RAI1: variants seen among roughly 807,000 people sequenced by gnomAD.
RAI1 encodes the protein retinoic acid-induced protein 1.
RAI1 carries 9 observed loss-of-function variants against 123.8 expected under a neutral mutation model. The observed-to-expected ratio is 0.07, with a 90% CI of 0.04 to 0.13. RAI1 has a LOEUF of 0.13. Among genes scored for constraint, RAI1 ranks in the 10% least tolerant of loss-of-function variants. The pLI is 1.00. For missense variants in RAI1, 2,256 were observed against 2,545.8 expected, an observed-to-expected ratio of 0.89 and a Z score of 2.45; for synonymous variants, 1,231 against 1,127.3, an observed-to-expected ratio of 1.09 and a Z score of -1.84.
At chr17:17,730,967 G>A (rs11653696) in intron 2 of RAI1, among the ~76,000 whole-genome samples, 10,664 of 152,264 alleles carry the variant, frequency 0.07, 464 homozygotes, top group African/African-American at 0.11. Flanking sequence ...CTGAGTGGCC[G>A]AGAGAGAGCC....
At chr17:17,691,963 C>T (rs578192686) in intron 1 of RAI1, among the ~76,000 whole-genome samples, 18 of 152,210 alleles carry the variant, frequency 1.2e-4, no homozygotes, top group African/African-American at 2.9e-4. Flanking sequence ...GTGAGGGAGG[C>T]GGGAAGTAAT....
intron 2 of RAI1, among the ~76,000 whole-genome samples, chr17:17,776,392 A>G (rs1434055793): frequency 6.6e-6 from 1 of 151,712 alleles, no homozygotes; most frequent in African/African-American, 2.4e-5. Flanking sequence ...TTTTTTTGAG[A>G]CAAAGTCTCA....
intron 2 of RAI1, among the ~76,000 whole-genome samples, chr17:17,787,757 T>C (rs1185038366): frequency 6.6e-6 from 1 of 152,192 alleles, no homozygotes; most frequent in East Asian, 1.9e-4. Context: ...TTAGGGGACC[T>C]GGGCACCTAG....
chr17:17,776,658 CTTTTTTT>C lies in RAI1; in HGVS notation c.-16-16254_-16-16248del, dbSNP rs3075548. 5.4e-3 allele frequency: 322 copies of C among 59,376 alleles called. 2 individuals carry two copies. Among genetic ancestry groups the C allele is most frequent in the African/African-American group, 0.023 (297 of 12,944 alleles). 3.7% of individuals were successfully genotyped at this position (59,376 alleles called of 1,614,324 possible). A position where few individuals can be genotyped will look rare whatever the true frequency, so the allele number is the denominator to read the frequency against. ...GGCATGAGCCACCGTGCCTGGCTCA[CTTTTTTT>C]TTTTTTTTTTTTTTTTTTTTGAGAG... On this transcript the variant is annotated intron_variant, in intron 2 of 5. Transcript: ENST00000353383.
At chr17:17,767,579 G>GCTT (rs1340871498) in intron 2 of RAI1, among the ~76,000 whole-genome samples, 1 of 152,188 alleles carries the variant, frequency 6.6e-6, no homozygotes, top group Non-Finnish European at 1.5e-5. Flanking sequence ...TTTCCATTGT[G>GCTT]CTTCAGATCA....
In RAI1 at chr17:17,809,339, C is replaced by G; in HGVS notation, c.5660-51C>G. On this transcript the variant is annotated intron_variant, in intron 4 of 5. Coordinates refer to ENST00000353383, the MANE Select transcript of RAI1 (RefSeq NM_030665.4). This position sits in a 1 kb window ranked among gnomAD's most constrained non-coding sequence, Gnocchi z 4.9. ...CCTGGCTGCAGACAAAACCCCACAG[C>G]TGTGGGGCCCCCACCCTGTCCTAAC... 1 of 1,521,996 alleles carries G rather than the reference C, an allele frequency of 6.6e-7. No homozygotes were observed. Among genetic ancestry groups the G allele is most frequent in the South Asian group, 1.1e-5 (1 of 89,162 alleles). The allele number at this position is 1,521,996 out of a possible 1,614,324, so 94.3% of individuals were successfully genotyped here. A position where few individuals can be genotyped will look rare whatever the true frequency, so the allele number is the denominator to read the frequency against.
At chr17:17,722,350 G>C (rs919460878) in intron 1 of RAI1, among the ~76,000 whole-genome samples, 14 of 152,264 alleles carry the variant, frequency 9.2e-5, no homozygotes, top group Admixed American at 5.9e-4. Context: ...TCACAGCCCC[G>C]GGGCTCGGCG....
At chr17:17,772,016 C>G (rs1353850250) in intron 2 of RAI1, among the ~76,000 whole-genome samples, 2 of 152,200 alleles carry the variant, frequency 1.3e-5, no homozygotes, top group African/African-American at 4.8e-5. Flanking sequence ...TGTGTGTCCC[C>G]TTGTCCTCTC....
intron 1 of RAI1, among the ~76,000 whole-genome samples, chr17:17,708,951 A>G (rs566160760): frequency 2.0e-5 from 3 of 152,308 alleles, no homozygotes; most frequent in African/African-American, 7.2e-5. Context: ...GCACAAAGGG[A>G]ACAGTTCGTC....
Position 17,797,448 on chromosome 17 carries a change from G to A in RAI1, c.4500G>A (p.Lys1500=). Residue 1500 remains lysine, a synonymous_variant, in exon 3 of 6, where the codon AAG becomes AAA. Coordinates refer to ENST00000353383, the MANE Select transcript of RAI1 (RefSeq NM_030665.4). ...CTGGTGGAGGAGGCAAGAAGCCAAA[G>A]ATGGAGGAGCTGGGCCTGGCCTCCC... ...DNSGGGGKKP[K]MEELGLASQP... The A allele has an allele frequency of 6.2e-7, 1 of 1,613,474 alleles. No homozygotes were observed. The highest frequency in any genetic ancestry group is 8.5e-7 in the Non-Finnish European group (1 of 1,179,920).
intron 1 of RAI1, among the ~76,000 whole-genome samples, chr17:17,699,129 A>G (rs547230910): frequency 6.6e-6 from 1 of 152,280 alleles, no homozygotes; most frequent in South Asian, 2.1e-4. Flanking sequence ...GCAACTGCCC[A>G]CCTTCTCTGG....
chr17:17,809,206 C>T lies in RAI1; in HGVS notation c.5660-184C>T. The T allele has an allele frequency of 2.8e-6, 2 of 706,424 alleles. No homozygotes were observed. Among genetic ancestry groups the T allele is most frequent in the Non-Finnish European group, 2.6e-6 (1 of 389,118 alleles). 43.8% of individuals were successfully genotyped at this position (706,424 alleles called of 1,614,324 possible). A position where few individuals can be genotyped will look rare whatever the true frequency, so the allele number is the denominator to read the frequency against. ...CAAGACTGCCAGGCCAGGGGCCGCA[C>T]CCGCGCCGTGGAGTGGAGTGGAGTG... On this transcript the variant is annotated intron_variant, in intron 4 of 5. Transcript: ENST00000353383. This position sits in a 1 kb window ranked among gnomAD's most constrained non-coding sequence, Gnocchi z 4.9.
chr17:17,793,721 C>T lies in RAI1; in HGVS notation c.773C>T (p.Ala258Val). The T allele has an allele frequency of 6.2e-7, 1 of 1,612,990 alleles. No homozygotes were observed. The highest frequency in any genetic ancestry group is 8.5e-7 in the Non-Finnish European group (1 of 1,180,022). Reference protein sequence around the residue: ...DRPLTASSSLAPGQRVQNLHA... With the variant: ...DRPLTASSSLVPGQRVQNLHA... ...CCGCTGACTGCCAGCTCCAGCCTGG[C>T]CCCGGGGCAGCGGGTCCAGAATCTT... is the stretch of plus-strand genomic sequence containing the variant. The change falls in exon 3 of 6, where the codon GCC (alanine) becomes GTC (valine). Residue 258 changes from alanine to valine, a missense_variant. Physicochemically the swap from Ala to Val is moderately conservative, Grantham distance 64. Coordinates refer to ENST00000353383, the MANE Select transcript of RAI1 (RefSeq NM_030665.4).
rs1322016416 is a variant in RAI1, at chr17:17,797,310, G to A, written c.4362G>A (p.Gly1454=). 1.2e-6 allele frequency: 2 copies of A among 1,612,574 alleles called. No homozygotes were observed. Among genetic ancestry groups the A allele is most frequent in the Non-Finnish European group, 1.7e-6 (2 of 1,179,906 alleles). The change falls in exon 3 of 6, where the codon GGG becomes GGA. Residue 1454 remains glycine, a synonymous_variant. Transcript: ENST00000353383. ...AGAGGAGCCGGAAAGGCCGGGCAGG[G>A]GCCCATGGACTCTCCAAAGGCCCGC... is the stretch of plus-strand genomic sequence containing the variant. ...PKKRSRKGRA[G]AHGLSKGPLE... is the part of the protein sequence containing the mutation.
chr17:17,713,700 G>A (rs1317119586), intron 1 of RAI1, among the ~76,000 whole-genome samples: 2 of 152,174 alleles, frequency 1.3e-5, no homozygotes. Flanking sequence ...CACAGTAATT[G>A]TCATAGGGTG....
intron 1 of RAI1, among the ~76,000 whole-genome samples, chr17:17,687,022 C>T (rs548419332): frequency 3.3e-5 from 5 of 152,044 alleles, no homozygotes; most frequent in Admixed American, 6.5e-5. Flanking sequence ...CTTGCTCTGT[C>T]GCCCAGGCTG....
intron 2 of RAI1, among the ~76,000 whole-genome samples, chr17:17,770,595 G>A (rs1373272188): frequency 1.3e-5 from 2 of 151,816 alleles, no homozygotes; most frequent in African/African-American, 4.8e-5. Flanking sequence ...GCCAGGTCAG[G>A]GGCCAGGGCC....
intron 2 of RAI1, among the ~76,000 whole-genome samples, chr17:17,725,746 C>G (rs1383281670): frequency 6.6e-6 from 1 of 152,050 alleles, no homozygotes; most frequent in Non-Finnish European, 1.5e-5. Flanking sequence ...CTTTTTCTTC[C>G]TGGGGTAGAG....
chr17:17,796,811 C>T lies in RAI1; in HGVS notation c.3863C>T (p.Pro1288Leu). 1 of 1,611,216 alleles carries T rather than the reference C, an allele frequency of 6.2e-7. No homozygotes were observed. Residue 1288 changes from proline to leucine, a missense_variant, in exon 3 of 6, where the codon CCT becomes CTT. By Grantham distance (98) the Pro-to-Leu change is moderately conservative. Coordinates refer to ENST00000353383, the MANE Select transcript of RAI1 (RefSeq NM_030665.4). This position sits in a 1 kb window ranked among gnomAD's most constrained non-coding sequence, Gnocchi z 5.8. ...AAGCCCACCAAGGGCAATGGCGAGC[C>T]TGCCACAAAGCTCCCACCCCCGGAG... is the stretch of plus-strand genomic sequence containing the variant. ...KAKPTKGNGE[P>L]ATKLPPPETP...
Sources: gnomAD v4.1 joint callset for allele counts (sites outside exome capture counted in the v4.1 genomes callset) on GRCh38, gnomAD v4.1.1 for gene constraint, Gnocchi (gnomAD v3.1) non-coding constraint, MANE v1.5 for transcripts, NCBI Gene and HGNC (gene_info 2026-07-23, HGNC 2026-07-21) for gene names.